The following KDSR variants were observed in gnomAD, a reference collection of about 807,000 sequenced individuals.
The protein encoded by KDSR is 3-ketodihydrosphingosine reductase.
Under a neutral mutation model 41.3 loss-of-function variants are expected in KDSR, and 23 were observed. The observed-to-expected ratio is 0.56, with a 90% CI of 0.40 to 0.79. The LOEUF (loss-of-function observed/expected upper bound fraction) is 0.79, where lower values mean the gene tolerates loss of function less well. KDSR is among the 30% of genes least tolerant of loss of function. KDSR has a pLI of 0.00. For missense variants in KDSR, 351 were observed against 416.8 expected, an observed-to-expected ratio of 0.84 and a Z score of 1.37; for synonymous variants, 138 against 151.7, an observed-to-expected ratio of 0.91 and a Z score of 0.66.
intron 9 of KDSR, among the ~76,000 whole-genome samples, chr18:63,334,219 C>G (rs921891824): frequency 6.6e-5 from 10 of 152,206 alleles, no homozygotes; most frequent in African/African-American, 2.2e-4. Flanking sequence ...AAACCAACAA[C>G]TAAGTCATTT....
At chr18:63,342,675 A>C (rs1568277727) in intron 7 of KDSR, among the ~76,000 whole-genome samples, 1 of 151,882 alleles carries the variant, frequency 6.6e-6, no homozygotes, top group African/African-American at 2.4e-5. Flanking sequence ...AGGAGTACAC[A>C]GGGAATGGGG....
At chr18:63,344,333 G>GT in intron 7 of KDSR, 77 bp downstream of exon 7, 1 of 977,702 alleles carries the variant, frequency 1.0e-6, no homozygotes, top group East Asian at 2.5e-5. Context: ...GAAAACGAGT[G>GT]TGAGCTGAAG....
intron 3 of KDSR, among the ~76,000 whole-genome samples, chr18:63,356,453 CA>C (rs548077332): frequency 7.9e-5 from 12 of 151,534 alleles, no homozygotes; most frequent in African/African-American, 2.9e-4. Flanking sequence ...CAAGCCTTTT[CA>C]TGCAGTATTA....
Position 63,331,699 on chromosome 18 carries a change from T to G in KDSR, c.*83A>C. Reference sequence around the variant, plus strand: ...CGTATTCGAAAACAATACATAAGTGTCTATAGGCCAAAAATTGGGTCCCAT... The same window carrying G: ...CGTATTCGAAAACAATACATAAGTGGCTATAGGCCAAAAATTGGGTCCCAT... On this transcript the variant is annotated 3_prime_UTR_variant, in exon 10 of 10. Coordinates refer to ENST00000645214, the MANE Select transcript of KDSR (RefSeq NM_002035.4). 3 of 1,410,892 alleles carry G rather than the reference T, an allele frequency of 2.1e-6. No individual in the cohort carries two copies. Among genetic ancestry groups the G allele is most frequent in the Non-Finnish European group, 2.9e-6 (3 of 1,022,476 alleles). The allele number at this position is 1,410,892 out of a possible 1,614,324, so 87.4% of individuals were successfully genotyped here.
chr18:63,366,819 G>A (rs1915152402), intron 1 of KDSR, 192 bp downstream of exon 1: 2 of 391,252 alleles, frequency 5.1e-6, no homozygotes, highest in African/African-American at 4.1e-5. Context: ...GCTGCGGAGG[G>A]CGGGTCCGCG....
intron 6 of KDSR, among the ~76,000 whole-genome samples, chr18:63,348,638 G>A (rs1000909835): frequency 5.3e-5 from 8 of 152,058 alleles, no homozygotes; most frequent in Non-Finnish European, 1.0e-4. Flanking sequence ...CCGGCTACTC[G>A]CAGTATGCAA....
chr18:63,352,563 G>A (rs534039783), intron 5 of KDSR, among the ~76,000 whole-genome samples: 14 of 152,264 alleles, frequency 9.2e-5, no homozygotes, highest in Admixed American at 4.6e-4. Context: ...TGATCTGCCT[G>A]CCTCGGCCTC....
At chr18:63,365,926 C>A (rs777383582) in intron 1 of KDSR, 2 of 152,126 alleles carry the variant, frequency 1.3e-5, no homozygotes, top group Non-Finnish European at 2.9e-5. Context: ...ATTCACAAAC[C>A]CTTGTACAGA....
Position 63,344,466 on chromosome 18 carries a change from C to T in KDSR, c.637G>A (p.Val213Ile). ...EVKPYNVYIT[V>I]AYPPDTDTPG... Reference sequence around the variant, plus strand: ...GTGTCTGTGTCTGGTGGGTAAGCAACTGTGATGTAGACATTATATGGCTTC... The same window carrying T: ...GTGTCTGTGTCTGGTGGGTAAGCAATTGTGATGTAGACATTATATGGCTTC... Residue 213 changes from valine (V) to isoleucine (I), a missense_variant, in exon 7 of 10, where the codon GTT (valine) becomes ATT (isoleucine). Physicochemically the swap from Val to Ile is conservative, Grantham distance 29. Transcript: ENST00000645214. 2 of 1,613,994 alleles carry T rather than the reference C, an allele frequency of 1.2e-6. No individual in the cohort carries two copies. Among genetic ancestry groups the T allele is most frequent in the Non-Finnish European group, 1.7e-6 (2 of 1,179,882 alleles).
chr18:63,333,473 C>A (rs111986062), intron 9 of KDSR, among the ~76,000 whole-genome samples: 5 of 152,288 alleles, frequency 3.3e-5, no homozygotes, highest in African/African-American at 1.2e-4. Flanking sequence ...TTAGAAACAA[C>A]TGGTGTGGAA....
intron 2 of KDSR, among the ~76,000 whole-genome samples, chr18:63,360,546 C>T (rs1914930076): frequency 6.6e-6 from 1 of 152,156 alleles, no homozygotes; most frequent in South Asian, 2.1e-4. Context: ...ATACATACAG[C>T]TTGACTTTGC....
At chr18:63,337,627 T>C (rs1264861017) in intron 8 of KDSR, among the ~76,000 whole-genome samples, 1 of 152,150 alleles carries the variant, frequency 6.6e-6, no homozygotes, top group African/African-American at 2.4e-5. Flanking sequence ...TTAGCATCAT[T>C]AGAAACACTG....
chr18:63,328,373 GAC>G lies in KDSR; in HGVS notation c.*3407_*3408del, dbSNP rs1913871363. On this transcript the variant is annotated 3_prime_UTR_variant, in exon 10 of 10. Transcript: ENST00000645214. Reference sequence around the variant, plus strand: ...TTTTTTTCTTTTTTTTTTTTTTTGAGACAGAGTCTCGCACTGTCACCTAGGCT... The same window carrying G: ...TTTTTTTCTTTTTTTTTTTTTTTGAGAGAGTCTCGCACTGTCACCTAGGCT... The G allele has an allele frequency of 6.7e-6, 1 of 149,240 alleles. No homozygotes were observed. Among genetic ancestry groups the G allele is most frequent in the Non-Finnish European group, 1.4e-5 (1 of 70,586 alleles). 9.2% of individuals were successfully genotyped at this position (149,240 alleles called of 1,614,324 possible). A position where few individuals can be genotyped will look rare whatever the true frequency, so the allele number is the denominator to read the frequency against.
At chr18:63,356,459 G>A (rs550114513) in intron 3 of KDSR, among the ~76,000 whole-genome samples, 2 of 150,770 alleles carry the variant, frequency 1.3e-5, no homozygotes, top group Admixed American at 6.6e-5. Flanking sequence ...TTTTCATGCA[G>A]TATTAGATCA....
intron 6 of KDSR, 54 bp from the exon 7 acceptor site, chr18:63,344,547 T>C (rs1914440817): frequency 7.7e-7 from 1 of 1,307,044 alleles, no homozygotes; most frequent in African/African-American, 1.5e-5. Context: ...ACTGAGGTCC[T>C]ACACTGCCAA....
chr18:63,346,859 G>A (rs1914518220), intron 6 of KDSR, among the ~76,000 whole-genome samples: 1 of 152,168 alleles, frequency 6.6e-6, no homozygotes, highest in South Asian at 2.1e-4. Context: ...CTAGTTTCCT[G>A]AAACTCTTGG....
chr18:63,332,684 T>C (rs920882507), intron 9 of KDSR, among the ~76,000 whole-genome samples: 2 of 151,980 alleles, frequency 1.3e-5, no homozygotes, highest in African/African-American at 4.8e-5. Flanking sequence ...ACAAAAAAAT[T>C]ATCCGCGTGT....
Position 63,335,247 on chromosome 18 carries a change from C to T in KDSR, c.879+10G>A, listed in dbSNP as rs755020391. On this transcript the variant is annotated intron_variant, in intron 9 of 9. Coordinates refer to ENST00000645214, the MANE Select transcript of KDSR (RefSeq NM_002035.4). ...CGGCCTGTCTGATTGCTAGCCTAGG[C>T]AGAGCTTACCTGCTGGAGCCCCTCA... 1.3e-6 allele frequency: 2 copies of T among 1,590,202 alleles called. No individual in the cohort carries two copies. Among genetic ancestry groups the T allele is most frequent in the Non-Finnish European group, 1.7e-6 (2 of 1,158,712 alleles).
chr18:63,331,322 GAGAC>G lies in KDSR; in HGVS notation c.*456_*459del, dbSNP rs1289334424. 5.1e-5 allele frequency: 6 copies of G among 117,112 alleles called. No individual in the cohort carries two copies. The highest frequency in any genetic ancestry group is 2.9e-4 in the East Asian group (3 of 10,492). The allele number at this position is 117,112 out of a possible 1,614,324, so 7.3% of individuals were successfully genotyped here. ...AGAGACAGAGAGACAGAGAGACAGA[GAGAC>G]AGAGAGAGAGAGAGAGAGAACCCGA... On this transcript the variant is annotated 3_prime_UTR_variant, in exon 10 of 10. Coordinates refer to ENST00000645214, the MANE Select transcript of KDSR (RefSeq NM_002035.4).
Sources: gnomAD v4.1 joint callset for allele counts (sites outside exome capture counted in the v4.1 genomes callset) on GRCh38, gnomAD v4.1.1 for gene constraint, MANE v1.5 for transcripts, NCBI Gene and HGNC (gene_info 2026-07-23, HGNC 2026-07-21) for gene names.